Variants in GRID2 observed in about 807,000 individuals in gnomAD.
GRID2 encodes glutamate receptor ionotropic, delta-2.
GRID2 carries 33 observed loss-of-function variants against 114.8 expected under a neutral mutation model. That is an observed-to-expected ratio of 0.29 (90% CI 0.22 to 0.38). GRID2 has a LOEUF of 0.38. Among genes scored for constraint, GRID2 ranks in the 10% least tolerant of loss-of-function variants. The probability of loss-of-function intolerance (pLI) is 1.00; values close to 1 mark genes in which losing one functional copy is unlikely to be tolerated. For missense variants in GRID2, 1,184 were observed against 1,257.7 expected, an observed-to-expected ratio of 0.94 and a Z score of 0.89; for synonymous variants, 505 against 449.9, an observed-to-expected ratio of 1.12 and a Z score of -1.55.
intron 2 of GRID2, among the ~76,000 whole-genome samples, chr4:92,801,448 A>G (rs1277669497): frequency 1.3e-5 from 2 of 151,984 alleles, no homozygotes; most frequent in African/African-American, 4.8e-5. Flanking sequence ...TTCCACCCCC[A>G]TTAAGGTAAA....
chr4:93,305,243 G>C (rs777271797), intron 8 of GRID2, among the ~76,000 whole-genome samples: 3 of 152,086 alleles, frequency 2.0e-5, no homozygotes, highest in South Asian at 2.1e-4. Flanking sequence ...CAGAACAAAA[G>C]GTTAAATGTA....
At chr4:92,652,928 A>G (rs1456872779) in intron 2 of GRID2, among the ~76,000 whole-genome samples, 1 of 142,276 alleles carries the variant, frequency 7.0e-6, no homozygotes, top group African/African-American at 2.5e-5. Flanking sequence ...ATACATATAA[A>G]TATATATAAA....
At chr4:92,540,717 T>G (rs1430695317) in intron 1 of GRID2, among the ~76,000 whole-genome samples, 1 of 152,168 alleles carries the variant, frequency 6.6e-6, no homozygotes, top group East Asian at 1.9e-4. Context: ...AGTTCAACCA[T>G]TGTGGAAGTC....
chr4:92,742,494 A>G (rs770007965), intron 2 of GRID2, among the ~76,000 whole-genome samples: 11 of 151,816 alleles, frequency 7.2e-5, no homozygotes, highest in Non-Finnish European at 1.2e-4. Flanking sequence ...CTTAATCTCT[A>G]TGCATTTTTC....
At chr4:93,155,717 A>G (rs1174012818) in intron 4 of GRID2, among the ~76,000 whole-genome samples, 3 of 151,840 alleles carry the variant, frequency 2.0e-5, no homozygotes, top group Admixed American at 1.3e-4. Flanking sequence ...ATAAAATCAA[A>G]ATGACTTCAT....
At chr4:93,386,973 C>T (rs1031380149) in intron 8 of GRID2, among the ~76,000 whole-genome samples, 12 of 152,140 alleles carry the variant, frequency 7.9e-5, no homozygotes, top group East Asian at 3.9e-4. Flanking sequence ...CTGCAACTCC[C>T]GTCAGACACT....
chr4:92,573,256 C>T (rs956843201), intron 1 of GRID2, among the ~76,000 whole-genome samples: 3 of 150,536 alleles, frequency 2.0e-5, no homozygotes, highest in Non-Finnish European at 3.0e-5. Flanking sequence ...TTATTTTTTT[C>T]AAAAAAACAG....
intron 2 of GRID2, among the ~76,000 whole-genome samples, chr4:92,958,079 A>G (rs922705956): frequency 3.9e-5 from 6 of 152,060 alleles, no homozygotes; most frequent in Non-Finnish European, 5.9e-5. Context: ...GATTTCCTAC[A>G]TAATGATATC....
intron 2 of GRID2, among the ~76,000 whole-genome samples, chr4:92,919,946 G>T (rs576375953): frequency 6.6e-6 from 1 of 152,218 alleles, no homozygotes; most frequent in South Asian, 2.1e-4. Context: ...GTTGACAGTG[G>T]GGTGTTAAAG....
intron 4 of GRID2, among the ~76,000 whole-genome samples, chr4:93,130,032 A>ATGTC (rs1734654861): frequency 6.6e-6 from 1 of 152,214 alleles, no homozygotes; most frequent in Non-Finnish European, 1.5e-5. Context: ...CAGACATAGA[A>ATGTC]TGACATAGCT....
intron 2 of GRID2, among the ~76,000 whole-genome samples, chr4:92,742,256 TATA>T (rs577555320): frequency 6.6e-6 from 1 of 152,184 alleles, no homozygotes; most frequent in East Asian, 1.9e-4. Flanking sequence ...TTAAAGCATT[TATA>T]ATATTTCATT....
At chr4:92,738,558 AAT>A (rs1736715706) in intron 2 of GRID2, among the ~76,000 whole-genome samples, 1 of 152,170 alleles carries the variant, frequency 6.6e-6, no homozygotes, top group African/African-American at 2.4e-5. Flanking sequence ...AACAATAAAA[AAT>A]TAATGTTTTT....
At chr4:92,638,014 T>A (rs2149251061) in intron 2 of GRID2, among the ~76,000 whole-genome samples, 1 of 152,078 alleles carries the variant, frequency 6.6e-6, no homozygotes, top group Non-Finnish European at 1.5e-5. Flanking sequence ...CAAGTTTTAG[T>A]GACATTAAAT....
intron 14 of GRID2, among the ~76,000 whole-genome samples, chr4:93,635,544 T>C (rs1232526515): frequency 6.6e-6 from 1 of 152,036 alleles, no homozygotes; most frequent in Non-Finnish European, 1.5e-5. Context: ...TACAAAGGAA[T>C]ATGCTATTCC....
At chr4:92,841,441 A>G (rs1349837578) in intron 2 of GRID2, among the ~76,000 whole-genome samples, 1 of 152,086 alleles carries the variant, frequency 6.6e-6, no homozygotes, top group Non-Finnish European at 1.5e-5. Context: ...ATGTCTTTCA[A>G]TGTGCTTCTA....
At chr4:92,453,799 T>C (rs1452721672) in intron 1 of GRID2, among the ~76,000 whole-genome samples, 1 of 152,166 alleles carries the variant, frequency 6.6e-6, no homozygotes. Flanking sequence ...GTAGAAAACA[T>C]TTAAGCTATG....
chr4:93,083,079 T>C (rs771606150), intron 2 of GRID2, among the ~76,000 whole-genome samples: 17 of 152,148 alleles, frequency 1.1e-4, no homozygotes, highest in Non-Finnish European at 2.2e-4. Context: ...ATATTATATT[T>C]ACTTAATTTC....
At chr4:92,990,912 C>A (rs1260473233) in intron 2 of GRID2, among the ~76,000 whole-genome samples, 1 of 152,066 alleles carries the variant, frequency 6.6e-6, no homozygotes, top group Non-Finnish European at 1.5e-5. Flanking sequence ...ATTATTCTAG[C>A]ACACATATTG....
intron 1 of GRID2, among the ~76,000 whole-genome samples, chr4:92,446,997 G>T (rs1167245843): frequency 6.6e-6 from 1 of 152,124 alleles, no homozygotes; most frequent in African/African-American, 2.4e-5. Flanking sequence ...GTCAGCAAGG[G>T]TTCAGAAACA....
Sources: allele counts gnomAD v4.1 joint callset (sites outside exome capture counted in the v4.1 genomes callset), GRCh38; gene constraint gnomAD v4.1.1; transcripts MANE v1.5; gene names NCBI Gene and HGNC (gene_info 2026-07-23, HGNC 2026-07-21).